The following REC114 variants were observed in gnomAD, a reference collection of about 807,000 sequenced individuals.
REC114 encodes meiotic recombination protein REC114.
In REC114, 27 loss-of-function variants were observed where a neutral mutation model predicts 31.3. The observed-to-expected ratio is 0.86, with a 90% confidence interval of 0.64 to 1.19. The LOEUF is 1.19. Among genes scored for constraint, REC114 ranks in the 50% most tolerant of loss-of-function variants. REC114 has a pLI of 0.00. For missense variants in REC114, 344 were observed against 326.9 expected, an observed-to-expected ratio of 1.05 and a Z score of -0.40; for synonymous variants, 134 against 127.7, an observed-to-expected ratio of 1.05 and a Z score of -0.33.
intron 5 of REC114, among the ~76,000 whole-genome samples, chr15:73,558,391 C>T (rs764919475): frequency 2.6e-5 from 4 of 152,314 alleles, no homozygotes; most frequent in Admixed American, 6.5e-5. Context: ...AGCCCATCAT[C>T]GTCATGTGGG....
intron 3 of REC114, among the ~76,000 whole-genome samples, chr15:73,546,935 C>A (rs572991933): frequency 6.6e-6 from 1 of 151,784 alleles, no homozygotes; most frequent in African/African-American, 2.4e-5. Flanking sequence ...ATACTTAAAT[C>A]GAAGACCTCA....
intron 2 of REC114, among the ~76,000 whole-genome samples, chr15:73,522,710 G>A (rs1283311733): frequency 6.6e-6 from 1 of 152,108 alleles, no homozygotes; most frequent in African/African-American, 2.4e-5. Flanking sequence ...GTTTCTTCTA[G>A]TTTTTATTAA....
At chr15:73,554,372 AT>A (rs1215292393) in intron 4 of REC114, among the ~76,000 whole-genome samples, 2 of 152,188 alleles carry the variant, frequency 1.3e-5, no homozygotes, top group Non-Finnish European at 2.9e-5. Context: ...GGTTCTGGTC[AT>A]TTTGCTGCTC....
chr15:73,447,726 C>T (rs568755120), intron 1 of REC114, among the ~76,000 whole-genome samples: 60 of 151,722 alleles, frequency 4.0e-4, no homozygotes, highest in African/African-American at 1.3e-3. Context: ...GGAACAGCTC[C>T]GATCTGCAGC....
chr15:73,486,951 G>C (rs1893379296), intron 2 of REC114, among the ~76,000 whole-genome samples: 2 of 152,152 alleles, frequency 1.3e-5, no homozygotes, highest in South Asian at 4.2e-4. Flanking sequence ...AACCCAAGAG[G>C]TGGAGGTTGC....
chr15:73,468,028 A>T (rs1396940932), intron 1 of REC114, among the ~76,000 whole-genome samples: 15 of 151,950 alleles, frequency 9.9e-5, no homozygotes, highest in Admixed American at 9.2e-4. Context: ...TCTTGTAAGG[A>T]TGCTTCTGAT....
chr15:73,554,360 A>G (rs1894432973), intron 4 of REC114, among the ~76,000 whole-genome samples: 1 of 152,214 alleles, frequency 6.6e-6, no homozygotes. Flanking sequence ...AGCCATGGCC[A>G]AGGTTCTGGT....
At chr15:73,519,509 A>G (rs1893906262) in intron 2 of REC114, among the ~76,000 whole-genome samples, 1 of 152,210 alleles carries the variant, frequency 6.6e-6, no homozygotes, top group Admixed American at 6.5e-5. Context: ...AGAAACTGGA[A>G]CCCTTATACA....
rs916511801 is a variant in REC114, at chr15:73,447,498, G to A, written c.159+4154G>A. Among the ~76,000 whole-genome samples the A allele has an allele frequency of 5.3e-5, 8 of 152,008 alleles. No individual in the cohort carries two copies. In the South Asian group the frequency reaches 1.0e-3, roughly 20 times the overall value. ...ATGGGTGGATCACTTGAGGTCAGAAGTTCAGACCAGACTGGCCAACATGGT... is the reference window on the plus strand; with the variant it reads ...ATGGGTGGATCACTTGAGGTCAGAAATTCAGACCAGACTGGCCAACATGGT... On this transcript the variant is annotated intron_variant, in intron 1 of 5. Coordinates refer to ENST00000331090, the MANE Select transcript of REC114 (RefSeq NM_001042367.2).
At chr15:73,546,338 A>C (rs1161815767) in intron 3 of REC114, among the ~76,000 whole-genome samples, 1 of 152,154 alleles carries the variant, frequency 6.6e-6, no homozygotes, top group East Asian at 1.9e-4. Context: ...TATGAATTAC[A>C]CACATCCTTT....
intron 5 of REC114, among the ~76,000 whole-genome samples, chr15:73,557,048 A>G (rs1894478423): frequency 6.7e-6 from 1 of 149,354 alleles, no homozygotes; most frequent in Admixed American, 6.6e-5. Context: ...GAAGTTCATC[A>G]ATCTTCAAGT....
At chr15:73,486,158 C>T (rs1297896517) in intron 2 of REC114, among the ~76,000 whole-genome samples, 3 of 152,082 alleles carry the variant, frequency 2.0e-5, no homozygotes, top group Non-Finnish European at 4.4e-5. Flanking sequence ...AGTGCGATGG[C>T]GCAATCTCGG....
intron 3 of REC114, among the ~76,000 whole-genome samples, chr15:73,546,674 G>T (rs1894312923): frequency 6.6e-6 from 1 of 151,942 alleles, no homozygotes; most frequent in Admixed American, 6.6e-5. Flanking sequence ...TACCCTGAGG[G>T]AAGAGACAGT....
At chr15:73,506,234 T>G (rs1312335553) in intron 2 of REC114, among the ~76,000 whole-genome samples, 1 of 152,202 alleles carries the variant, frequency 6.6e-6, no homozygotes, top group Middle Eastern at 3.2e-3. Flanking sequence ...ATATATTTTC[T>G]AATAATGGAA....
At chr15:73,461,189 C>A (rs956138027) in intron 1 of REC114, among the ~76,000 whole-genome samples, 1 of 151,518 alleles carries the variant, frequency 6.6e-6, no homozygotes. Context: ...CTGTGAAACA[C>A]CAAAAAATGC....
At chr15:73,476,599 T>C (rs893697907) in intron 2 of REC114, among the ~76,000 whole-genome samples, 3 of 152,238 alleles carry the variant, frequency 2.0e-5, no homozygotes, top group African/African-American at 7.2e-5. Context: ...CACTGTAGTT[T>C]TGCCTTTTCT....
intron 1 of REC114, among the ~76,000 whole-genome samples, chr15:73,463,146 T>C (rs1893013155): frequency 6.6e-6 from 1 of 152,174 alleles, no homozygotes; most frequent in African/African-American, 2.4e-5. Flanking sequence ...CTTTTAAACA[T>C]GGCCAAAAAT....
chr15:73,489,121 A>G (rs1388921746), intron 2 of REC114, among the ~76,000 whole-genome samples: 2 of 151,904 alleles, frequency 1.3e-5, no homozygotes, highest in Admixed American at 1.3e-4. Flanking sequence ...TACATCCTCC[A>G]TAGGGAAGGA....
chr15:73,535,859 A>G (rs1167040490), intron 2 of REC114, among the ~76,000 whole-genome samples: 3 of 152,020 alleles, frequency 2.0e-5, no homozygotes, highest in African/African-American at 7.3e-5. Context: ...CAGAGCCCTC[A>G]GAGATAACAC....
Sources: gnomAD v4.1 joint callset for allele counts (sites outside exome capture counted in the v4.1 genomes callset) on GRCh38, gnomAD v4.1.1 for gene constraint, MANE v1.5 for transcripts, NCBI Gene and HGNC (gene_info 2026-07-23, HGNC 2026-07-21) for gene names.